TBC1D30: variants seen among roughly 807,000 people sequenced by gnomAD.
The protein encoded by TBC1D30 is TBC1 domain family, member 30.
A neutral mutation model predicts 63.2 loss-of-function variants in TBC1D30; 31 were observed. That is an observed-to-expected ratio of 0.49 (90% CI 0.37 to 0.66). The LOEUF is 0.66. TBC1D30 is among the 30% of genes least tolerant of loss of function. The probability of loss-of-function intolerance (pLI) is 0.00; values close to 1 mark genes in which losing one functional copy is unlikely to be tolerated. For missense variants in TBC1D30, 810 were observed against 953.6 expected (o/e 0.85, Z 1.98); for synonymous variants, 307 against 361.5 (o/e 0.85, Z 1.71).
chr12:64,854,321 A>C (rs1042540716), intron 8 of TBC1D30, among the ~76,000 whole-genome samples: 1 of 152,132 alleles, frequency 6.6e-6, no homozygotes, highest in Non-Finnish European at 1.5e-5. Context: ...ACTGATGGCA[A>C]CGTAACACTG....
intron 2 of TBC1D30, among the ~76,000 whole-genome samples, chr12:64,799,004 G>A (rs1457943966): frequency 5.3e-5 from 8 of 151,788 alleles, no homozygotes; most frequent in African/African-American, 1.9e-4. Context: ...TAGTAGAGAC[G>A]GGGTTTCACC....
upstream of TBC1D30, among the ~76,000 whole-genome samples, chr12:64,821,103 T>A (rs1873859671): frequency 6.6e-6 from 1 of 152,242 alleles, no homozygotes; most frequent in Admixed American, 6.5e-5. Flanking sequence ...AGAGGTCTTT[T>A]TATCAGTCAT....
upstream of TBC1D30, among the ~76,000 whole-genome samples, chr12:64,778,850 G>A (rs907404427): frequency 6.6e-6 from 1 of 152,108 alleles, no homozygotes; most frequent in African/African-American, 2.4e-5. Context: ...AAGCAGAGAC[G>A]AGACTTGGTG....
chr12:64,868,865 G>C (rs892788596), intron 10 of TBC1D30, among the ~76,000 whole-genome samples: 4 of 152,118 alleles, frequency 2.6e-5, no homozygotes, highest in Non-Finnish European at 5.9e-5. Context: ...TGTCTCTTAA[G>C]TTATGACTTC....
At chr12:64,827,691 T>C in intron 1 of TBC1D30, 144 bp from the exon 2 acceptor site, 1 of 599,150 alleles carries the variant, frequency 1.7e-6, no homozygotes, top group South Asian at 2.4e-5. Context: ...GCTTACCTTT[T>C]GGCAAAATTG....
chr12:64,793,703 A>G lies in TBC1D30; in HGVS notation c.643+7658A>G, dbSNP rs185921255. 2.6e-5 allele frequency among the ~76,000 whole-genome samples: 4 copies of G among 152,168 alleles called. No homozygotes were observed. The East Asian group carries it at 5.8e-4, about 22-fold the overall frequency. On this transcript the variant is annotated intron_variant, in intron 2 of 12. Coordinates refer to the TBC1D30 transcript ENST00000542120. Reference sequence around the variant, plus strand: ...AATAAAAACCACAAGTACAGATGAAAATATGGATGAGTTCTCCTGGGCATT... The same window carrying G: ...AATAAAAACCACAAGTACAGATGAAGATATGGATGAGTTCTCCTGGGCATT...
At chr12:64,870,031 G>A (rs1022446619) in intron 10 of TBC1D30, among the ~76,000 whole-genome samples, 2 of 152,104 alleles carry the variant, frequency 1.3e-5, no homozygotes, top group African/African-American at 4.8e-5. Context: ...GCTATCACAG[G>A]AGCAGACACC....
chr12:64,873,822 T>A (rs11838110), intron 11 of TBC1D30, among the ~76,000 whole-genome samples: 2,505 of 152,166 alleles, frequency 0.016, 89 homozygotes, highest in African/African-American at 0.058. Context: ...GAGACAGTTA[T>A]CAACATTTTT....
chr12:64,778,617 C>T (rs1871147244), upstream of TBC1D30, among the ~76,000 whole-genome samples: 2 of 132,242 alleles, frequency 1.5e-5, no homozygotes, highest in African/African-American at 2.9e-5. Context: ...AATGCAGTGG[C>T]GTGATCTCGG....
intron 1 of TBC1D30, chr12:64,825,290 C>T (rs1874219674): frequency 2.3e-6 from 1 of 439,778 alleles, no homozygotes; most frequent in Admixed American, 4.3e-5. Context: ...CGGACCCCCA[C>T]CCTGCGGCCT....
At chr12:64,778,197 T>C (rs566481294), upstream of TBC1D30, among the ~76,000 whole-genome samples, 25 of 152,340 alleles carry the variant, frequency 1.6e-4, no homozygotes, top group Admixed American at 6.5e-4. Context: ...TTTACTAAAG[T>C]TAACTTTTCT....
chr12:64,843,267 T>G, intron 7 of TBC1D30, 113 bp from the exon 8 acceptor site: 1 of 911,234 alleles, frequency 1.1e-6, no homozygotes, highest in Non-Finnish European at 1.7e-6. Context: ...AGTGCTGGGA[T>G]TATAGGCATG....
At chr12:64,806,575 A>G (rs531088941) in intron 2 of TBC1D30, among the ~76,000 whole-genome samples, 3 of 152,336 alleles carry the variant, frequency 2.0e-5, no homozygotes, top group African/African-American at 7.2e-5. Flanking sequence ...TGCACGGTTG[A>G]TGAGAATGTA....
chr12:64,837,565 G>C (rs1875477249), intron 6 of TBC1D30, among the ~76,000 whole-genome samples: 1 of 152,088 alleles, frequency 6.6e-6, no homozygotes, highest in Non-Finnish European at 1.5e-5. Context: ...TGATCTGATA[G>C]GAGGCAGAGC....
At chr12:64,781,538 C>T (rs1482925486) in intron 1 of TBC1D30, among the ~76,000 whole-genome samples, 2 of 152,174 alleles carry the variant, frequency 1.3e-5, no homozygotes, top group Non-Finnish European at 2.9e-5. Flanking sequence ...CTCCCATCTC[C>T]CGGTGTGTTC....
intron 11 of TBC1D30, 118 bp downstream of exon 11, chr12:64,870,926 G>A: frequency 1.1e-6 from 1 of 948,604 alleles, no homozygotes; most frequent in African/African-American, 1.6e-5. Flanking sequence ...CATCAACACA[G>A]CTGGCATGAC....
intron 2 of TBC1D30, among the ~76,000 whole-genome samples, chr12:64,814,876 A>G (rs945330031): frequency 5.9e-5 from 9 of 152,232 alleles, no homozygotes; most frequent in Non-Finnish European, 1.3e-4. Flanking sequence ...ACCAGGGCCC[A>G]CTATTACTGG....
intron 2 of TBC1D30, among the ~76,000 whole-genome samples, chr12:64,819,056 T>C (rs1017787855): frequency 2.0e-5 from 3 of 152,200 alleles, no homozygotes; most frequent in Non-Finnish European, 4.4e-5. Flanking sequence ...TTTAAGTACA[T>C]TTCTGTATGA....
At chr12:64,786,176 C>T (rs1156929302) in intron 2 of TBC1D30, 27 of 492,910 alleles carry the variant, frequency 5.5e-5, no homozygotes, top group East Asian at 5.0e-4. Flanking sequence ...GAACTAAGAA[C>T]AAGGAACAAC....
Sources: gnomAD v4.1 joint callset for allele counts (sites outside exome capture counted in the v4.1 genomes callset) on GRCh38, gnomAD v4.1.1 for gene constraint, MANE v1.5 for transcripts, NCBI Gene and HGNC (gene_info 2026-07-23, HGNC 2026-07-21) for gene names.